Variants in NDUFS1 observed in about 807,000 individuals in gnomAD.
NDUFS1 encodes the protein NADH-ubiquinone oxidoreductase 75 kDa subunit, mitochondrial.
Under a neutral mutation model 84.4 loss-of-function variants are expected in NDUFS1, and 61 were observed. The observed-to-expected ratio is 0.72, with a 90% CI of 0.59 to 0.89. The LOEUF is 0.89. NDUFS1 is among the 40% of genes least tolerant of loss of function. NDUFS1 has a pLI of 0.00. For missense variants in NDUFS1, 891 were observed against 890.0 expected (o/e 1.00, Z -0.01); for synonymous variants, 275 against 290.0 (o/e 0.95, Z 0.53).
intron 9 of NDUFS1, 32 bp downstream of exon 9, chr2:206,144,858 CTG>C (rs776079141): frequency 1.2e-6 from 2 of 1,603,182 alleles, no homozygotes; most frequent in East Asian, 2.2e-5. Flanking sequence ...TTTAAATAAA[CTG>C]TAAAAGTTAA....
intron 9 of NDUFS1, among the ~76,000 whole-genome samples, chr2:206,144,598 C>A (rs908900220): frequency 4.6e-5 from 7 of 152,268 alleles, no homozygotes; most frequent in Admixed American, 3.3e-4. Flanking sequence ...TGAGTCACTG[C>A]GCCCAGCCTA....
intron 16 of NDUFS1, chr2:206,127,503 G>GA (rs1227077432): frequency 2.3e-5 from 7 of 300,170 alleles, no homozygotes; most frequent in East Asian, 7.8e-5. Flanking sequence ...GGGCAACAGA[G>GA]AAAAACTCTG....
intron 3 of NDUFS1, among the ~76,000 whole-genome samples, chr2:206,150,471 T>G (rs2105979235): frequency 6.6e-6 from 1 of 152,338 alleles, no homozygotes; most frequent in Non-Finnish European, 1.5e-5. Context: ...CTTCCTCCTT[T>G]TAGTCTATAA....
rs1691002392 is a variant in NDUFS1, at chr2:206,118,193, G to C, written c.*5992C>G. 1 of 152,174 alleles carries C rather than the reference G, an allele frequency of 6.6e-6. No individual in the cohort carries two copies. Among genetic ancestry groups the C allele is most frequent in the Admixed American group, 6.5e-5 (1 of 15,276 alleles). The allele number at this position is 152,174 out of a possible 1,614,324, so 9.4% of individuals were successfully genotyped here. A position where few individuals can be genotyped will look rare whatever the true frequency, so the allele number is the denominator to read the frequency against. ...CTTTAAGCAGAGGGTATTTGGTTTT[G>C]AGATCCTTGTTCTCTTAAAATCTGT... is the stretch of plus-strand genomic sequence containing the variant. On this transcript the variant is annotated 3_prime_UTR_variant, in exon 19 of 19. Coordinates refer to ENST00000233190, the MANE Select transcript of NDUFS1 (RefSeq NM_005006.7).
intron 18 of NDUFS1, 142 bp from the exon 19 acceptor site, chr2:206,124,418 AT>A: frequency 1.5e-6 from 1 of 681,368 alleles, no homozygotes; most frequent in South Asian, 1.7e-5. Context: ...TAACCAACAG[AT>A]TCCAACGATA....
At position 206,116,634 on chromosome 2, in the gene NDUFS1, C is replaced by A; in HGVS notation, c.*7551G>T. On this transcript the variant is annotated 3_prime_UTR_variant, in exon 19 of 19. Coordinates refer to ENST00000233190, the MANE Select transcript of NDUFS1 (RefSeq NM_005006.7). The stretch of plus-strand genomic sequence containing the variant: ...GGTGTGTTGGCTCACATGTGTAATT[C>A]CAGAACTTTGGGAGGTCAAGGTGGG... The A allele has an allele frequency of 4.4e-6, 2 of 451,804 alleles. No homozygotes were observed. The highest frequency in any genetic ancestry group is 8.1e-6 in the Non-Finnish European group (2 of 245,730). 28.0% of individuals were successfully genotyped at this position (451,804 alleles called of 1,614,324 possible). A position where few individuals can be genotyped will look rare whatever the true frequency, so the allele number is the denominator to read the frequency against.
At chr2:206,158,254 C>G (rs1687753357) in intron 1 of NDUFS1, among the ~76,000 whole-genome samples, 1 of 152,140 alleles carries the variant, frequency 6.6e-6, no homozygotes, top group Admixed American at 6.5e-5. Flanking sequence ...GAGCCACCGC[C>G]TCCGGCCTTC....
At chr2:206,141,011 T>C (rs943417213) in intron 12 of NDUFS1, among the ~76,000 whole-genome samples, 3 of 151,264 alleles carry the variant, frequency 2.0e-5, no homozygotes, top group Non-Finnish European at 2.9e-5. Context: ...ATGTGAACAA[T>C]ATACAAAATG....
Position 206,115,996 on chromosome 2 carries a change from T to C in NDUFS1, c.*8189A>G, listed in dbSNP as rs1175330445. The stretch of plus-strand genomic sequence containing the variant: ...ATTAGCAGTGTTAACAGTAGTTTTT[T>C]TTTCCCATGGGTAATGCTAAAAGTT... On this transcript the variant is annotated 3_prime_UTR_variant, in exon 19 of 19. Transcript: ENST00000233190. 1 of 731,222 alleles carries C rather than the reference T, an allele frequency of 1.4e-6. No homozygotes were observed. The highest frequency in any genetic ancestry group is 2.5e-6 in the Non-Finnish European group (1 of 393,558). 45.3% of individuals were successfully genotyped at this position (731,222 alleles called of 1,614,324 possible).
At position 206,124,145 on chromosome 2, in the gene NDUFS1, A is replaced by C. The variant is rs1170207473; in HGVS notation, c.*40T>G. 2 of 1,310,222 alleles carry C rather than the reference A, an allele frequency of 1.5e-6. No homozygotes were observed. Among genetic ancestry groups the C allele is most frequent in the African/African-American group, 1.5e-5 (1 of 68,798 alleles). 81.2% of individuals were successfully genotyped at this position (1,310,222 alleles called of 1,614,324 possible). A position where few individuals can be genotyped will look rare whatever the true frequency, so the allele number is the denominator to read the frequency against. On this transcript the variant is annotated 3_prime_UTR_variant, in exon 19 of 19. Transcript: ENST00000233190. Reference sequence around the variant, plus strand: ...AAGGATCACTGCACTACAGTTGTCCATTAATTATCTGCGGCAAAACTGGGA... The same window carrying C: ...AAGGATCACTGCACTACAGTTGTCCCTTAATTATCTGCGGCAAAACTGGGA...
intron 12 of NDUFS1, among the ~76,000 whole-genome samples, chr2:206,140,613 TG>T (rs1691899695): frequency 6.6e-6 from 1 of 152,038 alleles, no homozygotes; most frequent in Non-Finnish European, 1.5e-5. Flanking sequence ...CCCAAGTAGC[TG>T]GGATTACAGG....
Position 206,147,076 on chromosome 2 carries a change from C to G in NDUFS1, c.564G>C (p.Glu188Asp). The G allele has an allele frequency of 6.2e-7, 1 of 1,614,114 alleles. No homozygotes were observed. The highest frequency in any genetic ancestry group is 8.5e-7 in the Non-Finnish European group (1 of 1,179,988). Residue 188 changes from glutamate to aspartate, a missense_variant, in exon 8 of 19, where the codon GAG becomes GAC. By Grantham distance (45) the Glu-to-Asp change is conservative. Transcript: ENST00000233190. ...QCTRCIRFAS[E>D]IAGVDDLGTT... ...TTCCCAAATCATCTACTCCTGCAATCTCACTTGCAAACCTACAAGATAAAA... is the reference window on the plus strand; with the variant it reads ...TTCCCAAATCATCTACTCCTGCAATGTCACTTGCAAACCTACAAGATAAAA...
intron 17 of NDUFS1, 27 bp downstream of exon 17, chr2:206,126,683 G>A (rs1691306305): frequency 6.2e-7 from 1 of 1,614,106 alleles, no homozygotes; most frequent in Non-Finnish European, 8.5e-7. Flanking sequence ...ACAACATTAT[G>A]AAAACTGCTC....
chr2:206,136,840 C>T (rs931472536), intron 13 of NDUFS1, among the ~76,000 whole-genome samples: 5 of 151,956 alleles, frequency 3.3e-5, no homozygotes, highest in African/African-American at 1.2e-4. Context: ...ACCACAACCT[C>T]CACCTCTCAG....
chr2:206,129,888 G>A (rs187718246), intron 15 of NDUFS1, among the ~76,000 whole-genome samples, 200 bp downstream of exon 15: 56 of 152,018 alleles, frequency 3.7e-4, no homozygotes, highest in African/African-American at 1.2e-3. Context: ...CACCGCACCC[G>A]GCAGGTAATA....
intron 1 of NDUFS1, chr2:206,158,964 G>C: frequency 1.1e-6 from 1 of 932,886 alleles, no homozygotes; most frequent in Non-Finnish European, 1.6e-6. Context: ...TAAAAATCTG[G>C]GGGGAAAGGC....
rs969123309 is a variant in NDUFS1, at chr2:206,128,049, T to C, written c.1709-77A>G. The C allele has an allele frequency of 1.9e-5, 27 of 1,437,860 alleles. No individual in the cohort carries two copies. In the Admixed American group the frequency reaches 1.9e-4, roughly 10 times the overall value. 89.1% of individuals were successfully genotyped at this position (1,437,860 alleles called of 1,614,324 possible). A position where few individuals can be genotyped will look rare whatever the true frequency, so the allele number is the denominator to read the frequency against. ...CTACTGTACATGAAGATAGTATATA[T>C]CATTTTAAATCCCATTTTGTAAAGT... On this transcript the variant is annotated intron_variant, in intron 15 of 18. Coordinates refer to ENST00000233190, the MANE Select transcript of NDUFS1 (RefSeq NM_005006.7).
chr2:206,131,811 C>T (rs767236193), intron 14 of NDUFS1, among the ~76,000 whole-genome samples: 5 of 152,004 alleles, frequency 3.3e-5, no homozygotes, highest in African/African-American at 7.2e-5. Flanking sequence ...TAGTGGCACG[C>T]GCCTGTAGTC....
rs778148605 is a variant in NDUFS1 at position 206,142,015 on chromosome 2, C to T, written c.1188G>A (p.Glu396=). 1.9e-6 allele frequency: 3 copies of T among 1,607,042 alleles called. No individual in the cohort carries two copies. Among genetic ancestry groups the T allele is most frequent in the South Asian group, 2.2e-5 (2 of 90,972 alleles). The change falls in exon 12 of 19, where the codon GAG becomes GAA. Residue 396 remains glutamate, a synonymous_variant. Coordinates refer to ENST00000233190, the MANE Select transcript of NDUFS1 (RefSeq NM_005006.7). The part of the protein sequence containing the change: ...LLNTTIAGVE[E]ADVVLLVGTN... ...TACCAACCAGAAGAACAACATCTGCCTCTTCCACACCAGCAATTGTAGTAT... is the reference window on the plus strand; with the variant it reads ...TACCAACCAGAAGAACAACATCTGCTTCTTCCACACCAGCAATTGTAGTAT...
Sources: gnomAD v4.1 joint callset for allele counts (sites outside exome capture counted in the v4.1 genomes callset) on GRCh38, gnomAD v4.1.1 for gene constraint, MANE v1.5 for transcripts, NCBI Gene and HGNC (gene_info 2026-07-23, HGNC 2026-07-21) for gene names.